Variants in ZIM2 observed in about 807,000 individuals in gnomAD.
The protein encoded by ZIM2 is zinc finger protein 656.
In ZIM2, 14 loss-of-function variants were observed where a neutral mutation model predicts 38.6. That is an observed-to-expected ratio of 0.36 (90% CI 0.24 to 0.57). The LOEUF (loss-of-function observed/expected upper bound fraction) is 0.57, where lower values mean the gene tolerates loss of function less well. ZIM2 is among the 20% of genes least tolerant of loss of function. ZIM2 has a pLI of 0.81. For missense variants in ZIM2, 680 were observed against 695.1 expected, an observed-to-expected ratio of 0.98 and a Z score of 0.24; for synonymous variants, 247 against 245.8, an observed-to-expected ratio of 1.00 and a Z score of -0.04.
chr19:56,839,801 CAT>C (rs2062762679), intron 1 of ZIM2, among the ~76,000 whole-genome samples: 1 of 151,926 alleles, frequency 6.6e-6, no homozygotes, highest in South Asian at 2.1e-4. Flanking sequence ...CAGCCACCCT[CAT>C]AAAAGATGGC....
At chr19:56,813,641 T>C (rs1345156578) in intron 9 of ZIM2, 1 of 1,586,828 alleles carries the variant, frequency 6.3e-7, no homozygotes, top group African/African-American at 1.3e-5. Flanking sequence ...GGTCAAGTCC[T>C]AGGTGAAGGT....
At chr19:56,829,466 AT>A (rs1319468885) in intron 2 of ZIM2, among the ~76,000 whole-genome samples, 1 of 152,216 alleles carries the variant, frequency 6.6e-6, no homozygotes, top group Non-Finnish European at 1.5e-5. Flanking sequence ...CATTTTACAC[AT>A]GGAATGGTGG....
chr19:56,838,897 C>G (rs2062567658), intron 1 of ZIM2, among the ~76,000 whole-genome samples: 1 of 152,226 alleles, frequency 6.6e-6, no homozygotes, highest in Admixed American at 6.5e-5. Context: ...CCGCAGCCGC[C>G]CCGATCAAAG....
chr19:56,803,839 T>C (rs978092359), intron 9 of ZIM2, among the ~76,000 whole-genome samples: 6 of 152,134 alleles, frequency 3.9e-5, no homozygotes, highest in Admixed American at 3.9e-4. Context: ...CAGTTTTCTC[T>C]CAAAAGGAAT....
intron 4 of ZIM2, among the ~76,000 whole-genome samples, chr19:56,824,048 C>CCAGGGGATACCTGGGCATGTGTGG (rs2060776603): frequency 6.6e-6 from 1 of 152,140 alleles, no homozygotes; most frequent in African/African-American, 2.4e-5. Flanking sequence ...GTTTTGGCGA[C>CCAGGGGATACCTGGGCATGTGTGG]CAGGGGATAC....
chr19:56,815,357 C>T lies in ZIM2; in HGVS notation c.490+2389G>A. 1.9e-6 allele frequency: 3 copies of T among 1,614,238 alleles called. No individual in the cohort carries two copies. The East Asian group carries it at 6.7e-5, about 36-fold the overall frequency. On this transcript the variant is annotated intron_variant, in intron 9 of 12. Transcript: ENST00000629319. ...CTGAAGTCCTTACATTTGTTCCGCG[C>T]TTGCTCTTTAGCATACTGCTCTTGG... is the stretch of plus-strand genomic sequence containing the variant.
At chr19:56,808,417 A>G (rs2047866922) in intron 9 of ZIM2, among the ~76,000 whole-genome samples, 2 of 152,180 alleles carry the variant, frequency 1.3e-5, no homozygotes, top group African/African-American at 4.8e-5. Flanking sequence ...AAGTCAGCAG[A>G]CATTCCTGAG....
chr19:56,817,684 A>C (rs919925602), intron 9 of ZIM2, 62 bp downstream of exon 9: 7 of 1,550,476 alleles, frequency 4.5e-6, no homozygotes, highest in Non-Finnish European at 4.5e-6. Context: ...CAAAGTGTAG[A>C]AGTTCCTTGA....
intron 9 of ZIM2, chr19:56,817,186 C>T (rs1358248416): frequency 3.7e-6 from 6 of 1,614,116 alleles, no homozygotes; most frequent in Non-Finnish European, 5.1e-6. Context: ...CATCTCACTA[C>T]CACATTCAAA....
In ZIM2 at chr19:56,826,379, T is replaced by C. The variant is rs143776313; in HGVS notation, c.-151+9A>G. On this transcript the variant is annotated intron_variant, in intron 3 of 12. Coordinates refer to ENST00000629319, the MANE Select transcript of ZIM2 (RefSeq NM_001387356.1). ...TCAGGCAACAAGATACCCTCAGATA[T>C]GTAATCACCTGTCTGGGAACAGGAT... is the stretch of plus-strand genomic sequence containing the variant. 6.6e-6 allele frequency: 1 copy of C among 152,332 alleles called. No homozygotes were observed. Among genetic ancestry groups the C allele is most frequent in the Non-Finnish European group, 1.5e-5 (1 of 68,046 alleles). The allele number at this position is 152,332 out of a possible 1,614,324, so 9.4% of individuals were successfully genotyped here.
At chr19:56,781,346 A>G (rs1254496226) in intron 11 of ZIM2, among the ~76,000 whole-genome samples, 1 of 152,176 alleles carries the variant, frequency 6.6e-6, no homozygotes, top group Non-Finnish European at 1.5e-5. Flanking sequence ...TTTCACTTTC[A>G]ACTTTACCTG....
chr19:56,811,037 G>A, intron 9 of ZIM2: 2 of 980,574 alleles, frequency 2.0e-6, no homozygotes, highest in Non-Finnish European at 2.4e-6. Context: ...ATAAACCTGT[G>A]CACAGAAACA....
At position 56,824,495 on chromosome 19, in the gene ZIM2, T is replaced by C. The variant is rs368627298; in HGVS notation, c.-150-68A>G. 2.2e-5 allele frequency: 35 copies of C among 1,614,020 alleles called. No individual in the cohort carries two copies. The highest frequency in any genetic ancestry group is 3.3e-5 in the South Asian group (3 of 91,084). On this transcript the variant is annotated intron_variant, in intron 3 of 12. Transcript: ENST00000629319. ...CTTCCGAGGCCCAACAAATTCCACATAGATTAGGTTCCGAAACCTCTGATG... is the reference window on the plus strand; with the variant it reads ...CTTCCGAGGCCCAACAAATTCCACACAGATTAGGTTCCGAAACCTCTGATG...
At chr19:56,838,447 C>T (rs2062466408) in intron 1 of ZIM2, among the ~76,000 whole-genome samples, 1 of 152,160 alleles carries the variant, frequency 6.6e-6, no homozygotes, top group African/African-American at 2.4e-5. Context: ...TCCCGAGGAA[C>T]GGTCCCGGGC....
chr19:56,839,458 C>T (rs531193302), intron 1 of ZIM2, among the ~76,000 whole-genome samples: 2 of 151,664 alleles, frequency 1.3e-5, no homozygotes, highest in East Asian at 1.9e-4. Flanking sequence ...TAATGCTACC[C>T]AGTCACTTCA....
intron 9 of ZIM2, among the ~76,000 whole-genome samples, chr19:56,806,157 T>G (rs1308947934): frequency 2.0e-5 from 3 of 152,252 alleles, no homozygotes; most frequent in Non-Finnish European, 2.9e-5. Flanking sequence ...ATCTTTGTAC[T>G]ATTCTTGCAA....
At chr19:56,809,526 G>A (rs2047956439) in intron 9 of ZIM2, among the ~76,000 whole-genome samples, 1 of 152,078 alleles carries the variant, frequency 6.6e-6, no homozygotes, top group Non-Finnish European at 1.5e-5. Flanking sequence ...GGAATCACAG[G>A]CATGTTTAAA....
At chr19:56,807,709 C>G (rs1036411608) in intron 9 of ZIM2, among the ~76,000 whole-genome samples, 1 of 151,408 alleles carries the variant, frequency 6.6e-6, no homozygotes, top group South Asian at 2.1e-4. Flanking sequence ...GAGGATCACT[C>G]GAGCCCAGGA....
At chr19:56,815,582 A>G in intron 9 of ZIM2, 1 of 1,614,070 alleles carries the variant, frequency 6.2e-7, no homozygotes, top group Admixed American at 1.7e-5. Flanking sequence ...AAAGGCAGAG[A>G]GTGAATTACA....
Sources: gnomAD v4.1 joint callset for allele counts (sites outside exome capture counted in the v4.1 genomes callset) on GRCh38, gnomAD v4.1.1 for gene constraint, MANE v1.5 for transcripts, NCBI Gene and HGNC (gene_info 2026-07-23, HGNC 2026-07-21) for gene names.